Variants in CDKL4 observed in about 807,000 individuals in gnomAD.
CDKL4 encodes cyclin-dependent kinase-like 4.
CDKL4 carries 44 observed loss-of-function variants against 42.0 expected under a neutral mutation model. The ratio of observed to expected loss-of-function variants is 1.05; its 90% CI spans 0.82 to 1.35. The LOEUF is 1.35. CDKL4 is among the 40% of genes most tolerant of loss of function. The pLI, the probability that CDKL4 is intolerant of heterozygous loss-of-function variation, is 0.00. For missense variants in CDKL4, 393 were observed against 369.9 expected (o/e 1.06, Z -0.51); for synonymous variants, 120 against 121.6 (o/e 0.99, Z 0.09).
chr2:39,169,458 G>C, the CDKL4 span, among the ~76,000 whole-genome samples: 4 of 152,108 alleles, frequency 2.6e-5, no homozygotes, highest in African/African-American at 9.7e-5. Context: ...GTAACTCCTG[G>C]CTCCTGGCTA....
At chr2:39,184,535 C>A in intron 8 of CDKL4, 56 bp downstream of exon 8, 1 of 1,273,144 alleles carries the variant, frequency 7.9e-7, no homozygotes, top group South Asian at 1.3e-5. Context: ...CTCAAATTAC[C>A]AGCTTCAGTC....
intron 9 of CDKL4, 60 bp downstream of exon 9, chr2:39,179,127 G>A: frequency 1.3e-6 from 2 of 1,565,148 alleles, no homozygotes; most frequent in Non-Finnish European, 1.7e-6. Flanking sequence ...TTGAAAGGCA[G>A]ACAAACAAAA....
At chr2:39,206,462 T>C (rs1677195460) in intron 4 of CDKL4, among the ~76,000 whole-genome samples, 1 of 152,194 alleles carries the variant, frequency 6.6e-6, no homozygotes, top group East Asian at 1.9e-4. Context: ...TGCTCCTCGC[T>C]GGACAGGAGC....
chr2:39,177,736 C>CTGCA (rs1161838676), intron 9 of CDKL4, among the ~76,000 whole-genome samples: 3 of 151,442 alleles, frequency 2.0e-5, no homozygotes, highest in African/African-American at 7.3e-5. Context: ...GTTGCCCAGG[C>CTGCA]TGCAGTGCAG....
At chr2:39,239,240 CTG>C (rs1558589864) in intron 1 of CDKL4, among the ~76,000 whole-genome samples, 1 of 151,100 alleles carries the variant, frequency 6.6e-6, no homozygotes, top group African/African-American at 2.4e-5. Context: ...AGCATTAAAA[CTG>C]TATAACTTCT....
At chr2:39,187,535 A>T in intron 7 of CDKL4, 92 bp downstream of exon 7, 1 of 882,688 alleles carries the variant, frequency 1.1e-6, no homozygotes, top group Non-Finnish European at 1.7e-6. Flanking sequence ...ACAGAGTGAG[A>T]CATCATCTCA....
At chr2:39,218,368 G>C (rs1678072458) in intron 3 of CDKL4, among the ~76,000 whole-genome samples, 1 of 152,112 alleles carries the variant, frequency 6.6e-6, no homozygotes, top group African/African-American at 2.4e-5. Context: ...AGACATAATG[G>C]TGAGTGTCTG....
chr2:39,194,398 C>T (rs539324553), intron 5 of CDKL4, among the ~76,000 whole-genome samples: 1 of 152,306 alleles, frequency 6.6e-6, no homozygotes, highest in Non-Finnish European at 1.5e-5. Flanking sequence ...TGCTTGAGCC[C>T]TGGAAGTGGA....
At chr2:39,205,667 G>A (rs912100561) in intron 4 of CDKL4, among the ~76,000 whole-genome samples, 2 of 149,108 alleles carry the variant, frequency 1.3e-5, no homozygotes, top group Non-Finnish European at 3.0e-5. Flanking sequence ...GGCTGAGGCA[G>A]GAGAATGGCG....
At chr2:39,244,858 C>A (rs956695764), upstream of CDKL4, among the ~76,000 whole-genome samples, 16 of 152,160 alleles carry the variant, frequency 1.1e-4, no homozygotes, top group African/African-American at 3.9e-4. Context: ...CTGTGTCTAG[C>A]TCAGGGTTTG....
chr2:39,226,331 C>G (rs1678709877), intron 2 of CDKL4, among the ~76,000 whole-genome samples: 2 of 149,692 alleles, frequency 1.3e-5, no homozygotes, highest in African/African-American at 4.9e-5. Flanking sequence ...AGTGTTGACT[C>G]CCAGTAATAC....
At chr2:39,193,238 A>G (rs1676298383) in intron 5 of CDKL4, among the ~76,000 whole-genome samples, 3 of 150,618 alleles carry the variant, frequency 2.0e-5, no homozygotes, top group South Asian at 4.2e-4. Flanking sequence ...ATTCGAGACC[A>G]GCCTGGGCAG....
chr2:39,190,608 T>A (rs1170416487), intron 5 of CDKL4, 106 bp from the exon 6 acceptor site: 1 of 892,392 alleles, frequency 1.1e-6, no homozygotes, highest in East Asian at 2.4e-5. Context: ...GAGGCCATGA[T>A]ACTCTTAAGG....
intron 5 of CDKL4, among the ~76,000 whole-genome samples, chr2:39,193,667 G>T (rs1676334720): frequency 6.6e-6 from 1 of 152,142 alleles, no homozygotes; most frequent in African/African-American, 2.4e-5. Flanking sequence ...GAGCCACTGT[G>T]CCTGGCCCGT....
chr2:39,201,169 C>T (rs1023205020), intron 5 of CDKL4, among the ~76,000 whole-genome samples: 4 of 151,766 alleles, frequency 2.6e-5, no homozygotes, highest in Non-Finnish European at 5.9e-5. Flanking sequence ...AATAGACATT[C>T]TCAAAAGAAG....
chr2:39,219,064 G>A (rs1389649083), intron 3 of CDKL4, among the ~76,000 whole-genome samples: 1 of 152,166 alleles, frequency 6.6e-6, no homozygotes, highest in African/African-American at 2.4e-5. Context: ...AATTGCACAA[G>A]GGCAAGGACT....
intron 6 of CDKL4, among the ~76,000 whole-genome samples, chr2:39,188,209 G>C (rs1675945987): frequency 1.3e-5 from 2 of 152,110 alleles, no homozygotes; most frequent in Non-Finnish European, 2.9e-5. Flanking sequence ...TGCCTTCTCA[G>C]GTAAGGCCAG....
intron 4 of CDKL4, among the ~76,000 whole-genome samples, chr2:39,210,740 C>T (rs1677539014): frequency 6.6e-6 from 1 of 152,072 alleles, no homozygotes; most frequent in African/African-American, 2.4e-5. Flanking sequence ...TTTGATATCT[C>T]CTATAGCATG....
chr2:39,243,339 T>C (rs1315985004), intron 1 of CDKL4, among the ~76,000 whole-genome samples: 1 of 152,144 alleles, frequency 6.6e-6, no homozygotes, highest in East Asian at 1.9e-4. Context: ...CAGTGAATTA[T>C]TGAATTTCAA....
Sources: gnomAD v4.1 joint callset for allele counts (sites outside exome capture counted in the v4.1 genomes callset) on GRCh38, gnomAD v4.1.1 for gene constraint, MANE v1.5 for transcripts, NCBI Gene and HGNC (gene_info 2026-07-23, HGNC 2026-07-21) for gene names.